Variants in MAP1S observed in about 807,000 individuals in gnomAD.
MAP1S encodes microtubule associated protein 1S, also known as microtubule-associated protein 1S.
A neutral mutation model predicts 60.9 loss-of-function variants in MAP1S; 27 were observed. The ratio of observed to expected loss-of-function variants is 0.44; its 90% confidence interval spans 0.33 to 0.61. The LOEUF (loss-of-function observed/expected upper bound fraction) is 0.61, where lower values mean the gene tolerates loss of function less well. MAP1S is among the 20% of genes least tolerant of loss of function. The pLI, the probability that MAP1S is intolerant of heterozygous loss-of-function variation, is 0.03. For missense variants in MAP1S, 1,608 were observed against 1,486.6 expected (o/e 1.08, Z -1.34); for synonymous variants, 826 against 694.2 (o/e 1.19, Z -2.98).
intron 2 of MAP1S, among the ~76,000 whole-genome samples, chr19:17,722,638 A>G (rs1425469601): frequency 6.6e-6 from 1 of 151,724 alleles, no homozygotes; most frequent in African/African-American, 2.4e-5. Flanking sequence ...AACCCCAGCT[A>G]CTTGGGAGAC....
intron 2 of MAP1S, among the ~76,000 whole-genome samples, chr19:17,721,923 G>A (rs1426936683): frequency 1.3e-5 from 2 of 152,170 alleles, no homozygotes; most frequent in Admixed American, 1.3e-4. Context: ...CTTGGGTGTT[G>A]CCTGCAGCCG....
At chr19:17,733,170 C>G in intron 5 of MAP1S, 23 bp from the exon 6 acceptor site, 1 of 1,475,866 alleles carries the variant, frequency 6.8e-7, no homozygotes, top group Non-Finnish European at 9.1e-7. Flanking sequence ...CTCATCCCTG[C>G]CTCCCCATCC....
At position 17,733,367 on chromosome 19, in the gene MAP1S, G is replaced by A. The variant is rs377337831; in HGVS notation, c.2963G>A (p.Gly988Asp). ...ISGQDQRKEE[G>D]MRAVLDALLA... Reference sequence around the variant, plus strand: ...GGCCAGGACCAGCGCAAGGAGGAAGGCATGCGGGCCGTCCTGGACGCGCTA... The same window carrying A: ...GGCCAGGACCAGCGCAAGGAGGAAGACATGCGGGCCGTCCTGGACGCGCTA... The change falls in exon 6 of 7, where the codon GGC (glycine) becomes GAC (aspartate). Residue 988 changes from glycine to aspartate, a missense_variant. Physicochemically the swap from Gly to Asp is moderately conservative, Grantham distance 94. Transcript: ENST00000324096. The A allele has an allele frequency of 3.4e-5, 55 of 1,611,500 alleles. No homozygotes were observed. The highest frequency in any genetic ancestry group is 4.4e-5 in the Non-Finnish European group (52 of 1,179,420).
At chr19:17,723,017 C>G (rs1008173927) in intron 2 of MAP1S, among the ~76,000 whole-genome samples, 24 of 152,080 alleles carry the variant, frequency 1.6e-4, no homozygotes, top group Non-Finnish European at 2.5e-4. Flanking sequence ...CTCACCGGCC[C>G]CCACCCCGGC....
Position 17,723,584 on chromosome 19 carries a change from C to T in MAP1S, c.221-542C>T, listed in dbSNP as rs374635528. Among the ~76,000 whole-genome samples the T allele has an allele frequency of 7.6e-5, 11 of 144,706 alleles. No individual in the cohort carries two copies. The East Asian group carries it at 2.1e-3, about 28-fold the overall frequency. The allele number at this position is 144,706 out of a possible 152,430, so 94.9% of individuals were successfully genotyped here. On this transcript the variant is annotated intron_variant, in intron 2 of 6. Coordinates refer to ENST00000324096, the MANE Select transcript of MAP1S (RefSeq NM_018174.6). The stretch of plus-strand genomic sequence containing the variant: ...AAAAGAAAAAGGCCGGGCGCGGTGG[C>T]TCACGCCTGTAATCCCAGCACTTTG...
At chr19:17,720,606 G>A in intron 1 of MAP1S, 1 of 1,180,028 alleles carries the variant, frequency 8.5e-7, no homozygotes, top group East Asian at 2.6e-5. Flanking sequence ...GGGCGGCAGG[G>A]GGATGGACTT....
Position 17,726,653 on chromosome 19 carries a change from C to T in MAP1S, c.1269C>T (p.Pro423=), listed in dbSNP as rs543848500. The change falls in exon 5 of 7, where the codon CCC becomes CCT. Residue 423 remains proline (P), a synonymous_variant. Coordinates refer to ENST00000324096, the MANE Select transcript of MAP1S (RefSeq NM_018174.6). ...TGCTGGTGTGGCACCCCGCCGGCCCCGGCGAGAAGGTGGTGCGCGTGCTGT... is the reference window on the plus strand; with the variant it reads ...TGCTGGTGTGGCACCCCGCCGGCCCTGGCGAGAAGGTGGTGCGCGTGCTGT... ...CALLVWHPAG[P]GEKVVRVLFP... is the part of the protein sequence containing the mutation. The T allele has an allele frequency of 2.6e-5, 41 of 1,578,556 alleles. No homozygotes were observed. In the East Asian group the frequency reaches 7.9e-4, roughly 30 times the overall value.
chr19:17,731,498 A>G (rs566927429), intron 5 of MAP1S, among the ~76,000 whole-genome samples: 67 of 152,178 alleles, frequency 4.4e-4, no homozygotes, highest in African/African-American at 1.4e-3. Flanking sequence ...CGCTGTTTTG[A>G]TTACTGTAGC....
In MAP1S at chr19:17,733,261, T is replaced by C; in HGVS notation, c.2857T>C (p.Tyr953His). 6.4e-7 allele frequency: 1 copy of C among 1,559,942 alleles called. No individual in the cohort carries two copies. ...GTCCCCGGTCTACCTGGACCTGGCC[T>C]ACCTGCCCAGCGGGAGCAGCGCCCA... ...PKSPVYLDLA[Y>H]LPSGSSAHLV... is the part of the protein sequence containing the mutation. The change falls in exon 6 of 7, where the codon TAC (tyrosine) becomes CAC (histidine). Residue 953 changes from tyrosine (Y) to histidine (H), a missense_variant. Transcript: ENST00000324096.
At chr19:17,733,052 A>G (rs8102950) in intron 5 of MAP1S, 141 bp from the exon 6 acceptor site, 104,417 of 596,236 alleles carry the variant, frequency 0.18, 9,988 homozygotes, top group Middle Eastern at 0.21. Context: ...TCATGAGCGC[A>G]CCAGGCCTCC....
In MAP1S at chr19:17,727,271, C is replaced by T. The variant is rs116850611; in HGVS notation, c.1887C>T (p.Ala629=). The T allele has an allele frequency of 1.1e-5, 18 of 1,580,692 alleles. No homozygotes were observed. In the East Asian group the frequency reaches 2.3e-4, roughly 20 times the overall value. ...AGAAGGCACTGGAGCTGCCTTTGGC[C>T]GCCAGCTCAATCCCAAGGCCACGCA... ...GEEKALELPL[A]ASSIPRPRTP... is the part of the protein sequence containing the mutation. Residue 629 remains alanine (A), a synonymous_variant, in exon 5 of 7, where the codon GCC becomes GCT. Transcript: ENST00000324096. This position sits in a 1 kb window ranked among gnomAD's most constrained non-coding sequence, Gnocchi z 4.1.
At position 17,733,386 on chromosome 19, in the gene MAP1S, C is replaced by T. The variant is rs147584152; in HGVS notation, c.2982C>T (p.Asp994=). The T allele has an allele frequency of 1.7e-5, 27 of 1,610,592 alleles. No homozygotes were observed. Among genetic ancestry groups the T allele is most frequent in the African/African-American group, 6.7e-5 (5 of 74,886 alleles). ...AGGAAGGCATGCGGGCCGTCCTGGA[C>T]GCGCTACTGGCCAGCAAGCAGCATT... ...RKEEGMRAVL[D]ALLASKQHWD... Residue 994 remains aspartate (D), a synonymous_variant, in exon 6 of 7, where the codon GAC becomes GAT. Transcript: ENST00000324096.
intron 6 of MAP1S, 68 bp downstream of exon 6, chr19:17,733,496 C>T (rs959153470): frequency 2.8e-5 from 37 of 1,300,672 alleles, no homozygotes; most frequent in Non-Finnish European, 3.7e-5. Context: ...CACCCTCGAC[C>T]CTCAGAGACT....
Position 17,726,749 on chromosome 19 carries a change from A to G in MAP1S, c.1365A>G (p.Arg455=), listed in dbSNP as rs1401776366. 2 of 1,575,350 alleles carry G rather than the reference A, an allele frequency of 1.3e-6. No homozygotes were observed. The highest frequency in any genetic ancestry group is 1.2e-5 in the South Asian group (1 of 86,646). The change falls in exon 5 of 7, where the codon CGA becomes CGG. Residue 455 remains arginine, a synonymous_variant. Transcript: ENST00000324096. The part of the protein sequence containing the change: ...LVRLQHLRFL[R]EPVVTPQDLE... ...GCCTGCAGCACTTGAGGTTCCTGCG[A>G]GAGCCCGTGGTGACGCCCCAGGACC...
chr19:17,720,525 G>A (rs1161291788), intron 1 of MAP1S: 18 of 1,490,274 alleles, frequency 1.2e-5, no homozygotes, highest in Non-Finnish European at 1.6e-5. Flanking sequence ...GCAAGGGACT[G>A]AGAGGACAGT....
In MAP1S at chr19:17,724,350, TC is replaced by T; in HGVS notation, c.303+145del. ...CCACACTTCTTCGCCCACGAAGCCT[TC>T]CCTGTGGCTTCAGCCTCCGCTTCTT... On this transcript the variant is annotated intron_variant, in intron 3 of 6. Coordinates refer to ENST00000324096, the MANE Select transcript of MAP1S (RefSeq NM_018174.6). 6 of 640,918 alleles carry T rather than the reference TC, an allele frequency of 9.4e-6. No individual in the cohort carries two copies. The South Asian group carries it at 1.0e-4, about 11-fold the overall frequency. The allele number at this position is 640,918 out of a possible 1,614,324, so 39.7% of individuals were successfully genotyped here. A position where few individuals can be genotyped will look rare whatever the true frequency, so the allele number is the denominator to read the frequency against.
intron 2 of MAP1S, among the ~76,000 whole-genome samples, chr19:17,723,642 A>T (rs924994569): frequency 1.3e-5 from 2 of 152,134 alleles, no homozygotes; most frequent in Non-Finnish European, 2.9e-5. Flanking sequence ...CGAGGTCAGG[A>T]TATGGAGACT....
rs114097678 is a variant in MAP1S at position 17,732,911 on chromosome 19, G to T, written c.2789-282G>T. The T allele has an allele frequency of 6.7e-3, 2,968 of 441,628 alleles. 65 individuals are homozygous for T. The highest frequency in any genetic ancestry group is 0.054 in the African/African-American group (2,687 of 49,488). The allele number at this position is 441,628 out of a possible 1,614,324, so 27.4% of individuals were successfully genotyped here. A position where few individuals can be genotyped will look rare whatever the true frequency, so the allele number is the denominator to read the frequency against. On this transcript the variant is annotated intron_variant, in intron 5 of 6. Coordinates refer to ENST00000324096, the MANE Select transcript of MAP1S (RefSeq NM_018174.6). ...TGAGTGAAGAGTCACTGGAGTCAAG[G>T]CGTGGTGACATGCACCTGTAGTCCC...
chr19:17,731,412 G>C (rs12104396), intron 5 of MAP1S, among the ~76,000 whole-genome samples: 80,238 of 152,016 alleles, frequency 0.53, 22,417 homozygotes, highest in African/African-American at 0.67. Flanking sequence ...GATCATTTCA[G>C]CATACATGTG....
Sources: gnomAD v4.1 joint callset for allele counts (sites outside exome capture counted in the v4.1 genomes callset) on GRCh38, gnomAD v4.1.1 for gene constraint, Gnocchi (gnomAD v3.1) non-coding constraint, MANE v1.5 for transcripts, NCBI Gene and HGNC (gene_info 2026-07-23, HGNC 2026-07-21) for gene names.